ORM1: variants seen among roughly 807,000 people sequenced by gnomAD.
The protein encoded by ORM1 is alpha-1-acid glycoprotein 1.
ORM1 carries 13 observed loss-of-function variants against 26.9 expected under a neutral mutation model. The observed-to-expected ratio is 0.48, with a 90% CI of 0.31 to 0.77. ORM1 has a LOEUF of 0.77. ORM1 is among the 30% of genes least tolerant of loss of function. The probability of loss-of-function intolerance (pLI) is 0.04; values close to 1 mark genes in which losing one functional copy is unlikely to be tolerated. For synonymous variants in ORM1, 76 were observed against 102.2 expected, an observed-to-expected ratio of 0.74 and a Z score of 1.55; for missense variants, 189 against 246.8, an observed-to-expected ratio of 0.77 and a Z score of 1.57.
intron 4 of ORM1, 69 bp from the exon 5 acceptor site, chr9:114,324,980 C>T: frequency 1.3e-6 from 2 of 1,584,094 alleles, no homozygotes; most frequent in Non-Finnish European, 1.7e-6. Flanking sequence ...GCCCCTAGAA[C>T]CCCAGCCCTC....
chr9:114,323,221 C>G lies in ORM1; in HGVS notation c.88C>G (p.Pro30Ala), dbSNP rs1829711000. The G allele has an allele frequency of 1.3e-6, 2 of 1,595,672 alleles. No homozygotes were observed. Among genetic ancestry groups the G allele is most frequent in the Non-Finnish European group, 1.7e-6 (2 of 1,168,830 alleles). ...ATTGTGTGCCAACCTAGTACCGGTG[C>G]CCATCACCAACGCCACCCTGGACCG... ...IPLCANLVPV[P>A]ITNATLDRIT... is the part of the protein sequence containing the mutation. The change falls in exon 1 of 6, where the codon CCC (proline) becomes GCC (alanine). Residue 30 changes from proline to alanine, a missense_variant. Coordinates refer to ENST00000259396, the MANE Select transcript of ORM1 (RefSeq NM_000607.4).
chr9:114,324,956 C>A (rs1829746678), intron 4 of ORM1, 59 bp downstream of exon 4: 1 of 1,590,612 alleles, frequency 6.3e-7, no homozygotes, highest in Admixed American at 1.7e-5. Context: ...CCCCATTCAC[C>A]CACCCCTGGG....
At chr9:114,324,731 AAGAC>A in intron 3 of ORM1, 55 bp from the exon 4 acceptor site, 1 of 1,399,806 alleles carries the variant, frequency 7.1e-7, no homozygotes, top group East Asian at 2.3e-5. Context: ...CCTCACCTGT[AAGAC>A]AGACACCATT....
intron 5 of ORM1, among the ~76,000 whole-genome samples, chr9:114,325,870 T>C (rs1588923311): frequency 6.6e-6 from 1 of 152,250 alleles, no homozygotes. Flanking sequence ...ACAGGGCTTA[T>C]GAACACAACC....
At chr9:114,323,494 TG>T (rs1319212545) in intron 1 of ORM1, 168 bp from the exon 2 acceptor site, 3 of 994,474 alleles carry the variant, frequency 3.0e-6, no homozygotes, top group Admixed American at 2.0e-5. Flanking sequence ...AGGGGCTGCC[TG>T]GGGGGCAATG....
At chr9:114,325,677 T>C (rs1294048722) in intron 5 of ORM1, among the ~76,000 whole-genome samples, 2 of 152,194 alleles carry the variant, frequency 1.3e-5, no homozygotes, top group Non-Finnish European at 2.9e-5. Flanking sequence ...TGCGTTGGTG[T>C]GGCCCTGTGC....
intron 5 of ORM1, among the ~76,000 whole-genome samples, chr9:114,325,497 C>T (rs1277121518): frequency 1.3e-5 from 2 of 151,704 alleles, no homozygotes; most frequent in South Asian, 2.1e-4. Flanking sequence ...ACCCCACCTC[C>T]ACTCCCCACT....
intron 2 of ORM1, 27 bp from the exon 3 acceptor site, chr9:114,323,991 T>G (rs10982151): frequency 0.12 from 187,480 of 1,593,306 alleles, 13,037 homozygotes; most frequent in Admixed American, 0.16. Context: ...TCTTCCTGTT[T>G]TCCTTCCGCC....
At chr9:114,326,217 C>G (rs1829766283) in intron 5 of ORM1, 75 bp from the exon 6 acceptor site, 4 of 1,591,958 alleles carry the variant, frequency 2.5e-6, no homozygotes, top group Non-Finnish European at 2.6e-6. Flanking sequence ...TCATTCTGCC[C>G]TCTCCCTGGA....
Position 114,324,785 on chromosome 9 carries a change from T to C in ORM1, c.329-5T>C. 1.2e-6 allele frequency: 2 copies of C among 1,611,780 alleles called. No individual in the cohort carries two copies. The highest frequency in any genetic ancestry group is 1.3e-5 in the African/African-American group (1 of 75,004). ...TCTCACCCAGAGGCTCCTTTTCTCT[T>C]CCAGTGGGAGGCCAAGAGCATTTCG... is the stretch of plus-strand genomic sequence containing the variant. On this transcript the variant is annotated splice_region_variant and splice_polypyrimidine_tract_variant and intron_variant, in intron 3 of 5. Coordinates refer to ENST00000259396, the MANE Select transcript of ORM1 (RefSeq NM_000607.4).
At position 114,325,137 on chromosome 9, in the gene ORM1, C is replaced by T; in HGVS notation, c.525C>T (p.Tyr175=). Residue 175 remains tyrosine (Y), a synonymous_variant, in exon 5 of 6, where the codon TAC becomes TAT. Coordinates refer to ENST00000259396, the MANE Select transcript of ORM1 (RefSeq NM_000607.4). Reference sequence around the variant, plus strand: ...GCATTCCCAAGTCAGATGTCGTGTACACCGATTGGAAAAAGGTAAACGCAA... The same window carrying T: ...GCATTCCCAAGTCAGATGTCGTGTATACCGATTGGAAAAAGGTAAACGCAA... ...CLRIPKSDVV[Y]TDWKKDKCEP... is the part of the protein sequence containing the mutation. 6.2e-7 allele frequency: 1 copy of T among 1,613,976 alleles called. No homozygotes were observed. The highest frequency in any genetic ancestry group is 8.5e-7 in the Non-Finnish European group (1 of 1,179,832).
Position 114,324,418 on chromosome 9 carries a change from G to A in ORM1, c.328+330G>A, listed in dbSNP as rs1829735858. Among the ~76,000 whole-genome samples the A allele has an allele frequency of 5.3e-5, 8 of 152,210 alleles. No homozygotes were observed. The South Asian group carries it at 1.7e-3, about 32-fold the overall frequency. On this transcript the variant is annotated intron_variant, in intron 3 of 5. Coordinates refer to ENST00000259396, the MANE Select transcript of ORM1 (RefSeq NM_000607.4). ...GCAAACCAATGGTAGAAGCCTGTAT[G>A]TTGGAGAGGTGGTACCTTCAACTAT...
At chr9:114,324,203 C>T (rs1007246104) in intron 3 of ORM1, 115 bp downstream of exon 3, 11 of 962,054 alleles carry the variant, frequency 1.1e-5, no homozygotes, top group African/African-American at 3.3e-5. Flanking sequence ...TAACCACTAA[C>T]ATTTTTGAGC....
rs1167933599 is a variant in ORM1, at chr9:114,324,797, C to A, written c.336C>A (p.Gly112=). The A allele has an allele frequency of 6.2e-7, 1 of 1,613,442 alleles. No individual in the cohort carries two copies. Among genetic ancestry groups the A allele is most frequent in the East Asian group, 2.2e-5 (1 of 44,880 alleles). Residue 112 remains glycine, a synonymous_variant, in exon 4 of 6, where the codon GGC becomes GGA. Coordinates refer to ENST00000259396, the MANE Select transcript of ORM1 (RefSeq NM_000607.4). ...ENGTISRYVG[G]QEHFAHLLIL... ...GCTCCTTTTCTCTTCCAGTGGGAGG[C>A]CAAGAGCATTTCGCTCACTTGCTGA...
intron 5 of ORM1, among the ~76,000 whole-genome samples, chr9:114,325,443 C>T (rs1485893393): frequency 1.3e-5 from 2 of 151,622 alleles, no homozygotes; most frequent in African/African-American, 2.4e-5. Flanking sequence ...GGACGTAATG[C>T]GGGGAGTTAC....
chr9:114,323,332 G>T, intron 1 of ORM1, 85 bp downstream of exon 1: 3 of 1,611,942 alleles, frequency 1.9e-6, no homozygotes, highest in South Asian at 1.1e-5. Flanking sequence ...GGCTGTGGTC[G>T]GACCCCCACT....
rs537714246 is a variant in ORM1 at position 114,325,761 on chromosome 9, A to G, written c.541-531A>G. Among the ~76,000 whole-genome samples, 143 of 152,310 alleles carry G rather than the reference A, an allele frequency of 9.4e-4. 1 individual carries two copies. Among genetic ancestry groups the G allele is most frequent in the Middle Eastern group, 3.4e-3 (1 of 294 alleles). ...AATATATACATGCAGTACTTCCATG[A>G]CTATTCAAAGAAAAACAATTCCTTC... On this transcript the variant is annotated intron_variant, in intron 5 of 5. Transcript: ENST00000259396.
At chr9:114,323,598 C>T (rs1273750206) in intron 1 of ORM1, 65 bp from the exon 2 acceptor site, 2 of 1,612,214 alleles carry the variant, frequency 1.2e-6, no homozygotes, top group African/African-American at 1.3e-5. Context: ...GCCTGAGTCT[C>T]CTCCCAGCTG....
rs755817774 is a variant in ORM1 at position 114,326,358 on chromosome 9, C to A, written c.*1C>A. 1.3e-6 allele frequency: 2 copies of A among 1,565,826 alleles called. No homozygotes were observed. Among genetic ancestry groups the A allele is most frequent in the South Asian group, 2.3e-5 (2 of 85,800 alleles). On this transcript the variant is annotated 3_prime_UTR_variant, in exon 6 of 6. Transcript: ENST00000259396. Reference sequence around the variant, plus strand: ...GAAACAGGAGGAGGGGGAATCCTAGCAGGACACAGCCTTGGATCAGGACAG... The same window carrying A: ...GAAACAGGAGGAGGGGGAATCCTAGAAGGACACAGCCTTGGATCAGGACAG...
Sources: gnomAD v4.1 joint callset for allele counts (sites outside exome capture counted in the v4.1 genomes callset) on GRCh38, gnomAD v4.1.1 for gene constraint, MANE v1.5 for transcripts, NCBI Gene and HGNC (gene_info 2026-07-23, HGNC 2026-07-21) for gene names.